Variants in TMPRSS11D observed in about 807,000 individuals in gnomAD.
The protein encoded by TMPRSS11D is transmembrane serine protease 11D.
A neutral mutation model predicts 44.4 loss-of-function variants in TMPRSS11D; 32 were observed. The ratio of observed to expected loss-of-function variants is 0.72; its 90% CI spans 0.54 to 0.97. The LOEUF is 0.97. Among genes scored for constraint, TMPRSS11D ranks in the 50% least tolerant of loss-of-function variants. The pLI is 0.00. For missense variants in TMPRSS11D, 446 were observed against 502.6 expected, an observed-to-expected ratio of 0.89 and a Z score of 1.08; for synonymous variants, 179 against 177.9, an observed-to-expected ratio of 1.01 and a Z score of -0.05.
Position 67,871,122 on chromosome 4 carries a change from G to A in TMPRSS11D, c.9-11444C>T, listed in dbSNP as rs190662287. Among the ~76,000 whole-genome samples the A allele has an allele frequency of 5.5e-5, 8 of 145,812 alleles. No homozygotes were observed. The South Asian group carries it at 1.4e-3, about 25-fold the overall frequency. ...TGGCTAGGAGCAGGAATTGATTCTCGTATTGAAAAGTCTATAAAGGAAGGT... is the reference window on the plus strand; with the variant it reads ...TGGCTAGGAGCAGGAATTGATTCTCATATTGAAAAGTCTATAAAGGAAGGT... On this transcript the variant is annotated intron_variant, in intron 1 of 9. Coordinates refer to ENST00000283916, the MANE Select transcript of TMPRSS11D (RefSeq NM_004262.3).
At chr4:67,852,730 G>C (rs972155796) in intron 3 of TMPRSS11D, among the ~76,000 whole-genome samples, 3 of 152,112 alleles carry the variant, frequency 2.0e-5, no homozygotes, top group African/African-American at 7.2e-5. Flanking sequence ...CCAGATGTAG[G>C]GTTAACACTG....
chr4:67,839,946 G>A (rs1362374313), intron 4 of TMPRSS11D, among the ~76,000 whole-genome samples: 2 of 150,452 alleles, frequency 1.3e-5, no homozygotes, highest in Non-Finnish European at 3.0e-5. Context: ...TCGTCATTTA[G>A]CATTAGGTGT....
At chr4:67,873,941 C>G (rs1719117691) in intron 1 of TMPRSS11D, among the ~76,000 whole-genome samples, 1 of 152,092 alleles carries the variant, frequency 6.6e-6, no homozygotes, top group Non-Finnish European at 1.5e-5. Context: ...AATATACTGA[C>G]CCTATTATAG....
intron 1 of TMPRSS11D, among the ~76,000 whole-genome samples, chr4:67,878,875 G>A (rs757936273): frequency 1.3e-5 from 2 of 152,088 alleles, no homozygotes; most frequent in African/African-American, 4.8e-5. Flanking sequence ...GCAGTGAGCC[G>A]AGATTGCACC....
At chr4:67,834,089 C>T (rs1718013507) in intron 6 of TMPRSS11D, among the ~76,000 whole-genome samples, 1 of 152,120 alleles carries the variant, frequency 6.6e-6, no homozygotes, top group Non-Finnish European at 1.5e-5. Flanking sequence ...AGTCTACTGG[C>T]CAGAGCTGAA....
Position 67,838,202 on chromosome 4 carries a change from G to C in TMPRSS11D, c.445C>G (p.Leu149Val), listed in dbSNP as rs1173964143. The change falls in exon 5 of 10, where the codon CTG becomes GTG. Residue 149 changes from leucine to valine, a missense_variant. Leu to Val is a conservative substitution (Grantham distance 32, BLOSUM62 1). Transcript: ENST00000283916. ...LRQMLNNSGN[L>V]EINPSTEITS... The stretch of plus-strand genomic sequence containing the variant: ...ATCTCAGTTGAAGGGTTTATTTCCA[G>C]GTTTCCAGAGTTATTCAGCATTTGT... 3 of 1,579,260 alleles carry C rather than the reference G, an allele frequency of 1.9e-6. No homozygotes were observed. Among genetic ancestry groups the C allele is most frequent in the Non-Finnish European group, 1.7e-6 (2 of 1,165,358 alleles).
chr4:67,822,229 G>A lies in TMPRSS11D; in HGVS notation c.*108C>T. 1 of 1,232,514 alleles carries A rather than the reference G, an allele frequency of 8.1e-7. No individual in the cohort carries two copies. Among genetic ancestry groups the A allele is most frequent in the Non-Finnish European group, 1.1e-6 (1 of 874,636 alleles). 76.3% of individuals were successfully genotyped at this position (1,232,514 alleles called of 1,614,324 possible). A position where few individuals can be genotyped will look rare whatever the true frequency, so the allele number is the denominator to read the frequency against. ...TTAAACCATATTTATGTAACAAGAT[G>A]TTAAATTAGGACATTTCTAGTTTCT... On this transcript the variant is annotated 3_prime_UTR_variant, in exon 10 of 10. Coordinates refer to ENST00000283916, the MANE Select transcript of TMPRSS11D (RefSeq NM_004262.3).
Position 67,857,564 on chromosome 4 carries a change from C to T in TMPRSS11D, c.130+1993G>A, listed in dbSNP as rs1718681816. 3.3e-5 allele frequency among the ~76,000 whole-genome samples: 5 copies of T among 151,790 alleles called. No homozygotes were observed. The South Asian group carries it at 1.0e-3, about 32-fold the overall frequency. ...CTTGAAGCCAGGAATTTGAGACCGG[C>T]CTGGGCAACAAAGTGAGACCCCATC... On this transcript the variant is annotated intron_variant, in intron 2 of 9. Coordinates refer to ENST00000283916, the MANE Select transcript of TMPRSS11D (RefSeq NM_004262.3).
At chr4:67,864,821 A>T (rs762259224) in intron 1 of TMPRSS11D, among the ~76,000 whole-genome samples, 3 of 151,966 alleles carry the variant, frequency 2.0e-5, no homozygotes, top group Non-Finnish European at 2.9e-5. Flanking sequence ...ACAAGAAGAC[A>T]TAACAATCCT....
intron 2 of TMPRSS11D, among the ~76,000 whole-genome samples, chr4:67,856,795 T>C (rs987240966): frequency 6.6e-6 from 1 of 151,176 alleles, no homozygotes; most frequent in African/African-American, 2.4e-5. Context: ...TAAAAAAAAA[T>C]AAAAATTCCA....
chr4:67,843,519 C>T (rs529168429), intron 3 of TMPRSS11D, among the ~76,000 whole-genome samples: 6 of 152,200 alleles, frequency 3.9e-5, no homozygotes, highest in African/African-American at 1.4e-4. Flanking sequence ...GGTATGTACA[C>T]CTATTATGTA....
intron 8 of TMPRSS11D, 83 bp from the exon 9 acceptor site, chr4:67,825,957 T>A: frequency 7.3e-7 from 1 of 1,379,266 alleles, no homozygotes; most frequent in South Asian, 1.7e-5. Flanking sequence ...AAGAAATAAA[T>A]GTACTCCAAA....
At chr4:67,833,116 G>A in intron 7 of TMPRSS11D, 88 bp downstream of exon 7, 1 of 1,181,714 alleles carries the variant, frequency 8.5e-7, no homozygotes, top group Non-Finnish European at 1.1e-6. Context: ...ATTATTTCTG[G>A]CTCAATTCAA....
At chr4:67,846,580 C>A (rs1718362133) in intron 3 of TMPRSS11D, among the ~76,000 whole-genome samples, 1 of 152,138 alleles carries the variant, frequency 6.6e-6, no homozygotes, top group Admixed American at 6.5e-5. Flanking sequence ...ACTAAGTTGT[C>A]AGTCTCACTC....
intron 4 of TMPRSS11D, among the ~76,000 whole-genome samples, chr4:67,839,967 G>A (rs1420697206): frequency 7.0e-6 from 1 of 143,792 alleles, no homozygotes; most frequent in Non-Finnish European, 1.5e-5. Context: ...ATCTCCTAAT[G>A]CTATCCCTCC....
At chr4:67,845,502 G>C (rs1010276921) in intron 3 of TMPRSS11D, among the ~76,000 whole-genome samples, 1 of 152,124 alleles carries the variant, frequency 6.6e-6, no homozygotes. Flanking sequence ...TGATTCATCT[G>C]TATGCAGTTG....
At position 67,838,348 on chromosome 4, in the gene TMPRSS11D, T is replaced by A. The variant is rs368314216; in HGVS notation, c.318-19A>T. On this transcript the variant is annotated intron_variant, in intron 4 of 9. Coordinates refer to ENST00000283916, the MANE Select transcript of TMPRSS11D (RefSeq NM_004262.3). ...ATCTTGCCTGTAAATCATAAAGATA[T>A]TTTAAAAAACAAATAATATGACAAT... 3.3e-6 allele frequency: 5 copies of A among 1,522,300 alleles called. No individual in the cohort carries two copies. The African/African-American group carries it at 7.1e-5, about 22-fold the overall frequency. 94.3% of individuals were successfully genotyped at this position (1,522,300 alleles called of 1,614,324 possible). A position where few individuals can be genotyped will look rare whatever the true frequency, so the allele number is the denominator to read the frequency against.
intron 3 of TMPRSS11D, among the ~76,000 whole-genome samples, chr4:67,848,111 C>T (rs958462044): frequency 4.6e-5 from 7 of 152,166 alleles, no homozygotes; most frequent in Non-Finnish European, 8.8e-5. Flanking sequence ...CTTTCTTTCT[C>T]CTCCCATGTT....
chr4:67,858,888 G>A (rs1258382841), intron 2 of TMPRSS11D, among the ~76,000 whole-genome samples: 1 of 152,038 alleles, frequency 6.6e-6, no homozygotes, highest in Non-Finnish European at 1.5e-5. Flanking sequence ...AGCATGATAT[G>A]TGTATTCTTT....
Sources: allele counts gnomAD v4.1 joint callset (sites outside exome capture counted in the v4.1 genomes callset), GRCh38; gene constraint gnomAD v4.1.1; transcripts MANE v1.5; gene names NCBI Gene and HGNC (gene_info 2026-07-23, HGNC 2026-07-21).